Variants in KRT77 observed in about 807,000 individuals in gnomAD.
KRT77 encodes keratin, type II cytoskeletal 1b.
A neutral mutation model predicts 51.5 loss-of-function variants in KRT77; 44 were observed. The ratio of observed to expected loss-of-function variants is 0.85; its 90% CI spans 0.67 to 1.10. The LOEUF is 1.10. Among genes scored for constraint, KRT77 ranks in the 50% least tolerant of loss-of-function variants. KRT77 has a pLI of 0.00. For missense variants in KRT77, 763 were observed against 743.9 expected, an observed-to-expected ratio of 1.03 and a Z score of -0.30; for synonymous variants, 293 against 302.0, an observed-to-expected ratio of 0.97 and a Z score of 0.31.
At chr12:52,702,326 T>C (rs565029503) in intron 1 of KRT77, among the ~76,000 whole-genome samples, 1 of 152,240 alleles carries the variant, frequency 6.6e-6, no homozygotes, top group South Asian at 2.1e-4. Flanking sequence ...TAGAAAATAT[T>C]TGTGGGCTAG....
In KRT77 at chr12:52,692,565, A is replaced by C. The variant is rs770867707; in HGVS notation, c.1283T>G (p.Leu428Arg). 1 of 1,605,010 alleles carries C rather than the reference A, an allele frequency of 6.2e-7. No homozygotes were observed. Among genetic ancestry groups the C allele is most frequent in the Non-Finnish European group, 8.5e-7 (1 of 1,172,036 alleles). ...CTGCAGGGCCTCCTCCAGGTCCTGC[A>C]GCTTCTGCCACGCATCCTGGAGGGC... ...EQALQDAWQKLQDLEEALQQS... is the reference protein window; with the variant it reads ...EQALQDAWQKRQDLEEALQQS... Residue 428 changes from leucine to arginine, a missense_variant, in exon 7 of 9, where the codon CTG becomes CGG. Transcript: ENST00000341809.
At chr12:52,702,754 A>C in intron 1 of KRT77, 138 bp downstream of exon 1, 2 of 849,388 alleles carry the variant, frequency 2.4e-6, no homozygotes, top group Non-Finnish European at 3.7e-6. Flanking sequence ...AGACAAATTG[A>C]AGCCCAAATG....
chr12:52,700,505 G>A (rs1941872043), intron 1 of KRT77, among the ~76,000 whole-genome samples: 1 of 152,070 alleles, frequency 6.6e-6, no homozygotes, highest in South Asian at 2.1e-4. Context: ...AGAGGGAATG[G>A]TAGGTGCAAA....
rs117872591 is a variant in KRT77, at chr12:52,693,198, C to T, written c.1081-318G>A. On this transcript the variant is annotated intron_variant, in intron 5 of 8. Transcript: ENST00000341809. The stretch of plus-strand genomic sequence containing the variant: ...ACACATCTAAGCCTTCACGTTGGTC[C>T]TTACCCACACTGAGACCCCCTCACT... 9.3e-5 allele frequency among the ~76,000 whole-genome samples: 14 copies of T among 150,690 alleles called. No individual in the cohort carries two copies. In the East Asian group the frequency reaches 2.5e-3, roughly 27 times the overall value.
In KRT77 at chr12:52,694,876, G is replaced by A. The variant is rs1941771582; in HGVS notation, c.916-86C>T. On this transcript the variant is annotated intron_variant, in intron 4 of 8. Transcript: ENST00000341809. ...TCTGCTGCTCCCTCAAGGCTCTCGG[G>A]GGAAGCCAGAAGCCTGGGCCAGGTA... 3.1e-6 allele frequency: 4 copies of A among 1,290,826 alleles called. 1 individual carries two copies. The Admixed American group carries it at 9.2e-5, about 30-fold the overall frequency. The allele number at this position is 1,290,826 out of a possible 1,614,324, so 80.0% of individuals were successfully genotyped here. A position where few individuals can be genotyped will look rare whatever the true frequency, so the allele number is the denominator to read the frequency against.
chr12:52,696,420 C>A lies in KRT77; in HGVS notation c.769G>T (p.Glu257Ter). Residue 257 changes from glutamate (E) to a stop codon, truncating the protein, a stop_gained, in exon 3 of 9, where the codon GAA becomes TAA. Coordinates refer to ENST00000341809, the MANE Select transcript of KRT77 (RefSeq NM_175078.3). LOFTEE classifies it high-confidence loss of function. ...VEDYKSKYED[E>*]INKRTGSEND... ...TCGCTGCCAGTCCTCTTGTTGATTT[C>A]ATCCTCATACCTGTCAGGCGAGGCA... 6.2e-7 allele frequency: 1 copy of A among 1,614,222 alleles called. No homozygotes were observed. The highest frequency in any genetic ancestry group is 1.1e-5 in the South Asian group (1 of 91,088).
At position 52,690,320 on chromosome 12, in the gene KRT77, C is replaced by T. The variant is rs1399157838; in HGVS notation, c.*845G>A. ...TCATGACCCTATGCCCTCTGAAATA[C>T]TTCCACCTTGAGTTGTTTACACAGG... On this transcript the variant is annotated 3_prime_UTR_variant, in exon 9 of 9. Coordinates refer to ENST00000341809, the MANE Select transcript of KRT77 (RefSeq NM_175078.3). 6.6e-6 allele frequency: 1 copy of T among 152,282 alleles called. No homozygotes were observed. Among genetic ancestry groups the T allele is most frequent in the Non-Finnish European group, 1.5e-5 (1 of 68,084 alleles). 9.4% of individuals were successfully genotyped at this position (152,282 alleles called of 1,614,324 possible).
chr12:52,701,324 G>A (rs1941884550), intron 1 of KRT77, among the ~76,000 whole-genome samples: 1 of 152,216 alleles, frequency 6.6e-6, no homozygotes, highest in South Asian at 2.1e-4. Flanking sequence ...GAAGCCACGG[G>A]AGCACGCTGC....
chr12:52,696,476 T>G, intron 2 of KRT77, 46 bp from the exon 3 acceptor site: 1 of 1,538,510 alleles, frequency 6.5e-7, no homozygotes, highest in Non-Finnish European at 9.0e-7. Context: ...AGGCTGACCT[T>G]GGCTCCCTGA....
At chr12:52,700,748 G>A (rs545161492) in intron 1 of KRT77, among the ~76,000 whole-genome samples, 28 of 152,210 alleles carry the variant, frequency 1.8e-4, no homozygotes, top group Non-Finnish European at 3.4e-4. Flanking sequence ...GCGGGTTGAA[G>A]GGCAAGTAAT....
rs1182747693 is a variant in KRT77 at position 52,692,610 on chromosome 12, G to A, written c.1238C>T (p.Ala413Val). Residue 413 changes from alanine (A) to valine (V), a missense_variant, in exon 7 of 9, where the codon GCT becomes GTT. Transcript: ENST00000341809. ...GAGGGCCTGCTCGCCTCTCTCCTCA[G>A]CATCCGAAATGAGTGACTGCATCTG... The part of the protein sequence containing the change: ...IEQMQSLISD[A>V]EERGEQALQD... 6.5e-7 allele frequency: 1 copy of A among 1,540,250 alleles called. No individual in the cohort carries two copies. The highest frequency in any genetic ancestry group is 8.9e-7 in the Non-Finnish European group (1 of 1,123,802).
chr12:52,698,633 T>C (rs189930184), intron 1 of KRT77, among the ~76,000 whole-genome samples: 33 of 152,288 alleles, frequency 2.2e-4, no homozygotes, highest in African/African-American at 5.8e-4. Context: ...ACTGTGGATA[T>C]GGAGGTAAGA....
chr12:52,696,759 G>T, intron 2 of KRT77: 1 of 245,390 alleles, frequency 4.1e-6, no homozygotes, highest in Non-Finnish European at 7.8e-6. Flanking sequence ...TTAAAACTGA[G>T]AACATGAAAT....
chr12:52,690,896 G>A lies in KRT77; in HGVS notation c.*269C>T. On this transcript the variant is annotated 3_prime_UTR_variant, in exon 9 of 9. Transcript: ENST00000341809. ...GGCTACCGATCTTCCAAAAAGGTGG[G>A]AGCAGGAACAGCAGCAGGGCCAGCA... 1.8e-6 allele frequency: 1 copy of A among 562,216 alleles called. No homozygotes were observed. The highest frequency in any genetic ancestry group is 3.1e-6 in the Non-Finnish European group (1 of 319,162). 34.8% of individuals were successfully genotyped at this position (562,216 alleles called of 1,614,324 possible). A position where few individuals can be genotyped will look rare whatever the true frequency, so the allele number is the denominator to read the frequency against.
chr12:52,692,054 G>T, intron 7 of KRT77, 82 bp from the exon 8 acceptor site: 1 of 1,453,454 alleles, frequency 6.9e-7, no homozygotes, highest in Non-Finnish European at 9.6e-7. Context: ...CTGGATCAGA[G>T]GTGTCCCCAA....
rs760244596 is a variant in KRT77 at position 52,691,275 on chromosome 12, C to T, written c.1627G>A (p.Gly543Ser). ...CCTCCGTAGCTCCCGCCACCGCCGC[C>T]GCAGCCGCTGCCATAACCGCCTCCA... ...RSGGGYGSGC[G>S]GGGGSYGGSG... Residue 543 changes from glycine to serine, a missense_variant, in exon 9 of 9, where the codon GGC (glycine) becomes AGC (serine). Physicochemically the swap from Gly to Ser is moderately conservative, Grantham distance 56. Coordinates refer to ENST00000341809, the MANE Select transcript of KRT77 (RefSeq NM_175078.3). The T allele has an allele frequency of 6.9e-6, 11 of 1,600,224 alleles. No homozygotes were observed. In the South Asian group the frequency reaches 8.9e-5, roughly 13 times the overall value.
intron 1 of KRT77, among the ~76,000 whole-genome samples, chr12:52,701,243 G>A (rs1941883400): frequency 6.6e-6 from 1 of 152,222 alleles, no homozygotes; most frequent in Non-Finnish European, 1.5e-5. Context: ...TTGCTCCAGT[G>A]AAACCCTCTA....
chr12:52,692,413 A>C lies in KRT77; in HGVS notation c.1427+8T>G, dbSNP rs1941724444. 6.2e-7 allele frequency: 1 copy of C among 1,613,700 alleles called. No homozygotes were observed. Among genetic ancestry groups the C allele is most frequent in the Non-Finnish European group, 8.5e-7 (1 of 1,179,920 alleles). ...CCTTAGCCCCAGAAACACAGCTGCC[A>C]GACCCACCTGCTCTCCTCGCCCTCC... On this transcript the variant is annotated splice_region_variant and intron_variant, in intron 7 of 8. Coordinates refer to ENST00000341809, the MANE Select transcript of KRT77 (RefSeq NM_175078.3).
rs1010137109 is a variant in KRT77, at chr12:52,689,678, A to G, written c.*1487T>C. 2 of 152,340 alleles carry G rather than the reference A, an allele frequency of 1.3e-5. No homozygotes were observed. The highest frequency in any genetic ancestry group is 4.8e-5 in the African/African-American group (2 of 41,468). The allele number at this position is 152,340 out of a possible 1,614,324, so 9.4% of individuals were successfully genotyped here. ...GAAATACCAGAAATGCTGCCCCTTGACAGTACAACTTTGAACCAGGAAATG... is the reference window on the plus strand; with the variant it reads ...GAAATACCAGAAATGCTGCCCCTTGGCAGTACAACTTTGAACCAGGAAATG... On this transcript the variant is annotated 3_prime_UTR_variant, in exon 9 of 9. Coordinates refer to ENST00000341809, the MANE Select transcript of KRT77 (RefSeq NM_175078.3).
Sources: allele counts gnomAD v4.1 joint callset (sites outside exome capture counted in the v4.1 genomes callset), GRCh38; gene constraint gnomAD v4.1.1; transcripts MANE v1.5; gene names NCBI Gene and HGNC (gene_info 2026-07-23, HGNC 2026-07-21).